FBXW11: variants seen among roughly 807,000 people sequenced by gnomAD.
The protein encoded by FBXW11 is F-box and WD repeat domain containing 11.
In FBXW11, 19 loss-of-function variants were observed where a neutral mutation model predicts 77.6. The observed-to-expected ratio is 0.24, with a 90% CI of 0.17 to 0.36. The LOEUF is 0.36. FBXW11 is among the 10% of genes least tolerant of loss of function. The pLI is 1.00. For synonymous variants in FBXW11, 235 were observed against 249.4 expected (o/e 0.94, Z 0.54); for missense variants, 334 against 704.2 (o/e 0.47, Z 5.95).
intron 2 of FBXW11, among the ~76,000 whole-genome samples, chr5:171,924,696 G>A (rs1484268740): frequency 6.6e-6 from 1 of 152,122 alleles, no homozygotes; most frequent in East Asian, 1.9e-4. Context: ...GGCCAGCCCA[G>A]GAGCCGTGGG....
intron 10 of FBXW11, 57 bp downstream of exon 10, chr5:171,872,815 G>A (rs555373647): frequency 8.3e-7 from 1 of 1,207,808 alleles, no homozygotes; most frequent in South Asian, 1.2e-5. Context: ...ACTAGGAGAT[G>A]AGTCAACAAT....
intron 4 of FBXW11, among the ~76,000 whole-genome samples, chr5:171,909,717 G>A (rs561169217): frequency 1.6e-4 from 25 of 152,226 alleles, no homozygotes; most frequent in South Asian, 4.1e-4. Context: ...GCACGTGCGC[G>A]CGTGCATGTA....
intron 1 of FBXW11, among the ~76,000 whole-genome samples, chr5:171,968,933 T>A (rs1310721395): frequency 6.6e-6 from 1 of 152,196 alleles, no homozygotes; most frequent in Non-Finnish European, 1.5e-5. Flanking sequence ...TACTTTCATT[T>A]AACAGAGGGC....
chr5:171,955,427 G>A (rs894260190), intron 2 of FBXW11, among the ~76,000 whole-genome samples: 1 of 152,172 alleles, frequency 6.6e-6, no homozygotes, highest in African/African-American at 2.4e-5. Context: ...CAAAGGAAGA[G>A]TCATCTTTGC....
Position 171,869,901 on chromosome 5 carries a change from C to A in FBXW11, c.1452-94G>T. 1.5e-6 allele frequency: 1 copy of A among 672,310 alleles called. No homozygotes were observed. Among genetic ancestry groups the A allele is most frequent in the Non-Finnish European group, 2.5e-6 (1 of 406,900 alleles). The allele number at this position is 672,310 out of a possible 1,614,324, so 41.6% of individuals were successfully genotyped here. On this transcript the variant is annotated intron_variant, in intron 11 of 13. Transcript: ENST00000517395. This position sits in a 1 kb window ranked among gnomAD's most constrained non-coding sequence, Gnocchi z 4.1. ...AAAAAAAGTAGTGCATCTGAACTGCCTATTTATAAAAGCTAATGGGGAACA... is the reference window on the plus strand; with the variant it reads ...AAAAAAAGTAGTGCATCTGAACTGCATATTTATAAAAGCTAATGGGGAACA...
At chr5:171,987,836 C>T (rs1294283605) in intron 1 of FBXW11, among the ~76,000 whole-genome samples, 3 of 152,112 alleles carry the variant, frequency 2.0e-5, no homozygotes, top group Non-Finnish European at 4.4e-5. Context: ...TCCCGTGATC[C>T]TTACAAGTTT....
intron 4 of FBXW11, among the ~76,000 whole-genome samples, 157 bp downstream of exon 4, chr5:171,910,415 T>G (rs753862838): frequency 6.6e-6 from 1 of 152,160 alleles, no homozygotes; most frequent in Non-Finnish European, 1.5e-5. Flanking sequence ...AGATAGATAC[T>G]AAATTATAAT....
intron 1 of FBXW11, among the ~76,000 whole-genome samples, chr5:171,958,647 T>C (rs970217058): frequency 4.6e-5 from 7 of 152,194 alleles, no homozygotes; most frequent in Admixed American, 1.3e-4. Context: ...AAAAGTAAAA[T>C]ATAAAATGAA....
At chr5:171,927,641 T>C (rs1213801393) in intron 2 of FBXW11, among the ~76,000 whole-genome samples, 1 of 152,220 alleles carries the variant, frequency 6.6e-6, no homozygotes, top group Non-Finnish European at 1.5e-5. Flanking sequence ...CGGTTAACTG[T>C]TTTTTCCATG....
chr5:171,965,840 G>C (rs565766938), intron 1 of FBXW11, among the ~76,000 whole-genome samples: 1 of 151,866 alleles, frequency 6.6e-6, no homozygotes, highest in African/African-American at 2.4e-5. Flanking sequence ...ATCATATCTC[G>C]AATTGTAATC....
At chr5:171,891,061 G>A (rs533775182) in intron 7 of FBXW11, among the ~76,000 whole-genome samples, 1 of 152,246 alleles carries the variant, frequency 6.6e-6, no homozygotes, top group African/African-American at 2.4e-5. Flanking sequence ...ATCTACTACT[G>A]AAAAGTTAAT....
At chr5:171,988,613 G>A (rs1441872652) in intron 1 of FBXW11, among the ~76,000 whole-genome samples, 1 of 152,124 alleles carries the variant, frequency 6.6e-6, no homozygotes, top group African/African-American at 2.4e-5. Context: ...GGGAGGCCAA[G>A]GCAGGCAGAT....
intron 2 of FBXW11, among the ~76,000 whole-genome samples, chr5:171,952,436 TATATA>T (rs1763378729): frequency 1.7e-4 from 3 of 17,606 alleles, no homozygotes; most frequent in Admixed American, 6.4e-4. Context: ...TATATATATA[TATATA>T]TATATATTTT....
intron 2 of FBXW11, among the ~76,000 whole-genome samples, chr5:171,929,179 G>A (rs1458195353): frequency 6.6e-6 from 1 of 152,100 alleles, no homozygotes. Flanking sequence ...AGACCAGCCT[G>A]GCAACATGGT....
At chr5:171,940,025 G>C (rs1039311921) in intron 2 of FBXW11, among the ~76,000 whole-genome samples, 1 of 151,944 alleles carries the variant, frequency 6.6e-6, no homozygotes, top group South Asian at 2.1e-4. Context: ...ATTTTTATTT[G>C]TATTATTTTT....
chr5:171,861,870 T>C lies in FBXW11; in HGVS notation c.*2257A>G, dbSNP rs563480274. ...ATCCCAGTGCTTTAAAACATTAATA[T>C]AGCAGTAATTTACATTTGCTCAGTT... On this transcript the variant is annotated 3_prime_UTR_variant, in exon 14 of 14. Coordinates refer to ENST00000517395, the MANE Select transcript of FBXW11 (RefSeq NM_001378974.1). 6.6e-6 allele frequency: 1 copy of C among 152,652 alleles called. No individual in the cohort carries two copies. The highest frequency in any genetic ancestry group is 1.5e-5 in the Non-Finnish European group (1 of 68,044). The allele number at this position is 152,652 out of a possible 1,614,324, so 9.5% of individuals were successfully genotyped here.
intron 2 of FBXW11, among the ~76,000 whole-genome samples, chr5:171,920,417 A>AC (rs1418248461): frequency 3.1e-5 from 1 of 32,282 alleles, no homozygotes; most frequent in Non-Finnish European, 9.0e-5. Context: ...ACCGCTATTT[A>AC]AAAAAAAAAA....
chr5:171,994,279 T>A (rs979956240), intron 1 of FBXW11, among the ~76,000 whole-genome samples: 7 of 152,190 alleles, frequency 4.6e-5, no homozygotes, highest in Admixed American at 4.6e-4. Context: ...ACAAGATGTG[T>A]GACCTAAAGC....
chr5:171,909,608 C>T (rs983510997), intron 4 of FBXW11, among the ~76,000 whole-genome samples: 3 of 152,160 alleles, frequency 2.0e-5, no homozygotes, highest in Non-Finnish European at 4.4e-5. Context: ...TGCATTTTCC[C>T]TTCAATTTTG....
Sources: allele counts gnomAD v4.1 joint callset (sites outside exome capture counted in the v4.1 genomes callset), GRCh38; gene constraint gnomAD v4.1.1; non-coding constraint Gnocchi (gnomAD v3.1); transcripts MANE v1.5; gene names NCBI Gene and HGNC (gene_info 2026-07-23, HGNC 2026-07-21).